The following KCTD16 variants were observed in gnomAD, a reference collection of about 807,000 sequenced individuals.
KCTD16 encodes BTB/POZ domain-containing protein KCTD16.
In KCTD16, 13 loss-of-function variants were observed where a neutral mutation model predicts 33.2. The ratio of observed to expected loss-of-function variants is 0.39; its 90% CI spans 0.25 to 0.62. KCTD16 has a LOEUF of 0.62. Among genes scored for constraint, KCTD16 ranks in the 20% least tolerant of loss-of-function variants. KCTD16 has a pLI of 0.50. For synonymous variants in KCTD16, 197 were observed against 195.3 expected (o/e 1.01, Z -0.07); for missense variants, 441 against 525.1 (o/e 0.84, Z 1.57).
chr5:144,468,536 A>G (rs758805144), intron 3 of KCTD16, among the ~76,000 whole-genome samples: 13 of 152,208 alleles, frequency 8.5e-5, no homozygotes, highest in African/African-American at 3.1e-4. Context: ...CTTGAAGACA[A>G]ACTTTTTTCA....
intron 3 of KCTD16, among the ~76,000 whole-genome samples, chr5:144,301,629 A>C (rs1209959845): frequency 6.6e-6 from 1 of 152,202 alleles, no homozygotes; most frequent in African/African-American, 2.4e-5. Flanking sequence ...ATTCACTTGC[A>C]CAATGCCGTC....
At chr5:144,364,806 T>A (rs1018444917) in intron 3 of KCTD16, among the ~76,000 whole-genome samples, 1 of 152,218 alleles carries the variant, frequency 6.6e-6, no homozygotes, top group African/African-American at 2.4e-5. Flanking sequence ...AATCTTTCAT[T>A]TGATAGGTGA....
chr5:144,216,920 C>T (rs779577526), intron 3 of KCTD16, among the ~76,000 whole-genome samples: 1 of 151,772 alleles, frequency 6.6e-6, no homozygotes, highest in Non-Finnish European at 1.5e-5. Context: ...GTGGACTGTC[C>T]AGGTCAACAA....
At chr5:144,417,721 T>C (rs189414227) in intron 3 of KCTD16, among the ~76,000 whole-genome samples, 3 of 152,314 alleles carry the variant, frequency 2.0e-5, no homozygotes, top group East Asian at 1.9e-4. Context: ...GCAAGTGTTT[T>C]ATGGTTTTAG....
rs1388976667 is a variant in KCTD16 at position 144,252,322 on chromosome 5, C to T, written c.832+44776C>T. 4.6e-5 allele frequency among the ~76,000 whole-genome samples: 7 copies of T among 152,248 alleles called. No homozygotes were observed. The East Asian group carries it at 1.4e-3, about 29-fold the overall frequency. On this transcript the variant is annotated intron_variant, in intron 3 of 3. Coordinates refer to ENST00000512467, the MANE Select transcript of KCTD16 (RefSeq NM_020768.4). ...TGAGTAAATAGTACTTACTAAATAG[C>T]CCATGTCTGGGGCTATCTAAAACCA...
chr5:144,291,005 C>T (rs1472744525), intron 3 of KCTD16, among the ~76,000 whole-genome samples: 2 of 151,908 alleles, frequency 1.3e-5, no homozygotes. Context: ...TAAAATAATC[C>T]AGAAAAAGAG....
chr5:144,408,811 C>T (rs923221763), intron 3 of KCTD16, among the ~76,000 whole-genome samples: 7 of 152,142 alleles, frequency 4.6e-5, no homozygotes, highest in Admixed American at 3.9e-4. Flanking sequence ...TTCTTTTATT[C>T]TAGTGTCCCT....
At chr5:144,292,356 G>A (rs1047292651) in intron 3 of KCTD16, among the ~76,000 whole-genome samples, 2 of 152,158 alleles carry the variant, frequency 1.3e-5, no homozygotes, top group South Asian at 2.1e-4. Context: ...AGTGAAACAG[G>A]TCTGGCTGTT....
At chr5:144,245,839 C>T (rs1230855859) in intron 3 of KCTD16, among the ~76,000 whole-genome samples, 1 of 152,172 alleles carries the variant, frequency 6.6e-6, no homozygotes, top group African/African-American at 2.4e-5. Flanking sequence ...CCTGAGGCCT[C>T]CCCAGAAGCA....
At chr5:144,362,285 G>A (rs1366392022) in intron 3 of KCTD16, among the ~76,000 whole-genome samples, 1 of 152,164 alleles carries the variant, frequency 6.6e-6, no homozygotes, top group Non-Finnish European at 1.5e-5. Flanking sequence ...AGCATAGCTG[G>A]AGGAAAAAGA....
chr5:144,319,259 T>A (rs1752010766), intron 3 of KCTD16, among the ~76,000 whole-genome samples: 1 of 152,144 alleles, frequency 6.6e-6, no homozygotes, highest in South Asian at 2.1e-4. Flanking sequence ...TTCCATTTTA[T>A]TTACATTTTG....
intron 2 of KCTD16, among the ~76,000 whole-genome samples, chr5:144,181,575 G>T (rs1362692574): frequency 6.6e-6 from 1 of 152,220 alleles, no homozygotes; most frequent in African/African-American, 2.4e-5. Flanking sequence ...GGTGGTGTTT[G>T]TGTGTATAAT....
intron 3 of KCTD16, among the ~76,000 whole-genome samples, chr5:144,312,239 C>G (rs1033396399): frequency 6.6e-6 from 1 of 152,212 alleles, no homozygotes; most frequent in African/African-American, 2.4e-5. Context: ...ATACGTGTTA[C>G]TCTGCCGTAC....
chr5:144,176,701 C>G (rs928730332), intron 2 of KCTD16, among the ~76,000 whole-genome samples: 8 of 151,992 alleles, frequency 5.3e-5, no homozygotes, highest in Admixed American at 1.3e-4. Flanking sequence ...CGCGCCCGGC[C>G]AAGATATAGT....
intron 2 of KCTD16, among the ~76,000 whole-genome samples, chr5:144,176,397 T>C (rs79423966): frequency 7.0e-6 from 1 of 142,290 alleles, no homozygotes; most frequent in East Asian, 2.0e-4. Flanking sequence ...CTTTTTTTTT[T>C]TTTTTTTTTT....
At chr5:144,227,682 G>A (rs1248340646) in intron 3 of KCTD16, among the ~76,000 whole-genome samples, 1 of 152,204 alleles carries the variant, frequency 6.6e-6, no homozygotes, top group Non-Finnish European at 1.5e-5. Flanking sequence ...AAGGGAAGAA[G>A]TGTGGCAATC....
At chr5:144,432,400 T>C (rs1360748290) in intron 3 of KCTD16, among the ~76,000 whole-genome samples, 3 of 152,160 alleles carry the variant, frequency 2.0e-5, no homozygotes, top group Non-Finnish European at 4.4e-5. Flanking sequence ...TTCAGAGAAG[T>C]AAATTTCTCA....
At chr5:144,266,195 A>C (rs965749000) in intron 3 of KCTD16, among the ~76,000 whole-genome samples, 1 of 152,206 alleles carries the variant, frequency 6.6e-6, no homozygotes, top group Non-Finnish European at 1.5e-5. Flanking sequence ...GTATGCATGC[A>C]TGCATATATG....
intron 3 of KCTD16, among the ~76,000 whole-genome samples, chr5:144,258,757 T>C (rs1025909722): frequency 3.3e-5 from 5 of 152,236 alleles, no homozygotes; most frequent in African/African-American, 1.2e-4. Flanking sequence ...GTTATTTTTA[T>C]AGTTGATCTA....
Sources: allele counts gnomAD v4.1 joint callset (sites outside exome capture counted in the v4.1 genomes callset), GRCh38; gene constraint gnomAD v4.1.1; transcripts MANE v1.5; gene names NCBI Gene and HGNC (gene_info 2026-07-23, HGNC 2026-07-21).